Variants in NDUFA10 observed in about 807,000 individuals in gnomAD.
NDUFA10 encodes NADH dehydrogenase [ubiquinone] 1 alpha subcomplex subunit 10, mitochondrial.
Under a neutral mutation model 47.8 loss-of-function variants are expected in NDUFA10, and 40 were observed. That is an observed-to-expected ratio of 0.84 (90% CI 0.65 to 1.09). The LOEUF (loss-of-function observed/expected upper bound fraction) is 1.09, where lower values mean the gene tolerates loss of function less well. Ranked by LOEUF, NDUFA10 falls within the 50% of genes least tolerant of loss-of-function variation. The pLI, the probability that NDUFA10 is intolerant of heterozygous loss-of-function variation, is 0.00. For missense variants in NDUFA10, 413 were observed against 451.1 expected (o/e 0.92, Z 0.76); for synonymous variants, 183 against 172.2 (o/e 1.06, Z -0.49).
chr2:240,021,390 C>T lies in NDUFA10; in HGVS notation c.267G>A (p.Ala89=), dbSNP rs1161459570. 3.1e-6 allele frequency: 5 copies of T among 1,614,132 alleles called. No individual in the cohort carries two copies. The highest frequency in any genetic ancestry group is 2.2e-5 in the East Asian group (1 of 44,884). Residue 89 remains alanine (A), a synonymous_variant, in exon 3 of 10, where the codon GCG becomes GCA. Coordinates refer to ENST00000252711, the MANE Select transcript of NDUFA10 (RefSeq NM_004544.4). Reference sequence around the variant, plus strand: ...TGGTACTGTCTGGATAATGAATCCCCGCTTCAGGAAAGTGCTTGAAGCCTG... The same window carrying T: ...TGGTACTGTCTGGATAATGAATCCCTGCTTCAGGAAAGTGCTTGAAGCCTG... ...EKLGFKHFPE[A]GIHYPDSTTG...
chr2:239,962,210 T>TACACAC (rs59356951), intron 9 of NDUFA10, among the ~76,000 whole-genome samples: 40,723 of 149,478 alleles, frequency 0.27, 5,654 homozygotes, highest in East Asian at 0.38. Flanking sequence ...TCAATTTGTG[T>TACACAC]ACACACACAC....
intron 8 of NDUFA10, among the ~76,000 whole-genome samples, chr2:239,998,831 C>T (rs1379059029): frequency 6.6e-6 from 1 of 152,188 alleles, no homozygotes; most frequent in Non-Finnish European, 1.5e-5. Context: ...GAGGAAGAGC[C>T]TGTGCATGGA....
intron 8 of NDUFA10, 44 bp from the exon 9 acceptor site, chr2:239,990,226 A>G (rs752483488): frequency 1.4e-6 from 2 of 1,470,138 alleles, no homozygotes; most frequent in Non-Finnish European, 1.9e-6. Flanking sequence ...CCATCAAAAT[A>G]AATACAATAA....
chr2:239,915,488 C>T (rs1314358541), intron 4 of NDUFA10, among the ~76,000 whole-genome samples: 19 of 148,268 alleles, frequency 1.3e-4, no homozygotes, highest in African/African-American at 4.1e-4. Flanking sequence ...ACAGAACACA[C>T]ACACAGACAC....
chr2:239,971,148 T>G (rs1695289439), intron 9 of NDUFA10, among the ~76,000 whole-genome samples: 1 of 152,236 alleles, frequency 6.6e-6, no homozygotes, highest in Admixed American at 6.5e-5. Context: ...AAATGCTACT[T>G]TGTAAGAAGA....
intron 4 of NDUFA10, among the ~76,000 whole-genome samples, chr2:239,921,343 G>A (rs749143708): frequency 7.8e-5 from 7 of 89,546 alleles, no homozygotes; most frequent in East Asian, 2.6e-4. Context: ...GAGTGGAGAA[G>A]GAAAGAACAA....
At chr2:240,018,443 T>C in intron 4 of NDUFA10, 110 bp downstream of exon 4, 1 of 1,596,480 alleles carries the variant, frequency 6.3e-7, no homozygotes. Context: ...ATGGCATTTA[T>C]TCATCTATCT....
intron 8 of NDUFA10, among the ~76,000 whole-genome samples, chr2:240,001,078 A>G (rs1696692754): frequency 6.6e-6 from 1 of 152,236 alleles, no homozygotes; most frequent in Non-Finnish European, 1.5e-5. Context: ...GGCAGGGCAC[A>G]CTGGGAATCT....
chr2:239,967,865 G>A (rs549822434), intron 9 of NDUFA10, among the ~76,000 whole-genome samples: 2 of 152,180 alleles, frequency 1.3e-5, no homozygotes, highest in Non-Finnish European at 2.9e-5. Flanking sequence ...GAGGGCCAAG[G>A]CCGCACAATG....
chr2:239,916,756 G>A (rs150497550), intron 4 of NDUFA10, among the ~76,000 whole-genome samples: 313 of 152,348 alleles, frequency 2.1e-3, no homozygotes, highest in Admixed American at 4.5e-3. Context: ...GGACAGGTGC[G>A]GAACAGGCGC....
Position 239,979,445 on chromosome 2 carries a change from C to T in NDUFA10, c.999+10629G>A, listed in dbSNP as rs554848541. On this transcript the variant is annotated intron_variant, in intron 9 of 9. Transcript: ENST00000252711. ...AGGCCACCACCAGGCCCTCAGCAGC[C>T]CGCTCCCCACCCTGCACCTCTTCCC... Among the ~76,000 whole-genome samples the T allele has an allele frequency of 1.1e-4, 16 of 152,318 alleles. 1 individual carries two copies. In the South Asian group the frequency reaches 1.7e-3, roughly 16 times the overall value.
In NDUFA10 at chr2:239,897,723, G is replaced by T. The variant is rs976605129; in HGVS notation, c.295-2409C>A. Among the ~76,000 whole-genome samples, 5 of 152,240 alleles carry T rather than the reference G, an allele frequency of 3.3e-5. No homozygotes were observed. The East Asian group carries it at 5.8e-4, about 18-fold the overall frequency. On this transcript the variant is annotated intron_variant, in intron 4 of 5. Transcript: ENST00000419408. ...CTTCTTACCTAACTGCCTGTCCCCAGGCCTAAAGCCACCAAACCCTGCTGT... is the reference window on the plus strand; with the variant it reads ...CTTCTTACCTAACTGCCTGTCCCCATGCCTAAAGCCACCAAACCCTGCTGT...
At chr2:239,927,456 C>T (rs544332278) in intron 4 of NDUFA10, among the ~76,000 whole-genome samples, 45 of 152,278 alleles carry the variant, frequency 3.0e-4, no homozygotes, top group Non-Finnish European at 5.9e-4. Context: ...CAGCAGTGCA[C>T]AGTCATGTCC....
chr2:239,933,095 G>C (rs1387168679), intron 4 of NDUFA10, among the ~76,000 whole-genome samples: 1 of 152,098 alleles, frequency 6.6e-6, no homozygotes, highest in Non-Finnish European at 1.5e-5. Flanking sequence ...CAGCACAGGG[G>C]CAGGTCCCAG....
intron 8 of NDUFA10, among the ~76,000 whole-genome samples, 159 bp downstream of exon 8, chr2:240,005,051 A>G (rs536641093): frequency 3.1e-4 from 47 of 152,236 alleles, no homozygotes; most frequent in South Asian, 1.7e-3. Context: ...GTATCAGACC[A>G]GGGGATTCAG....
Position 239,906,474 on chromosome 2 carries a change from C to T in NDUFA10, c.295-11160G>A, listed in dbSNP as rs13427044. ...TGAGAACACCAGACGGGGGCCCCCACGCCAATTCATGGAGTCCCCGCACTT... is the reference window on the plus strand; with the variant it reads ...TGAGAACACCAGACGGGGGCCCCCATGCCAATTCATGGAGTCCCCGCACTT... On this transcript the variant is annotated intron_variant, in intron 4 of 5. Coordinates refer to the NDUFA10 transcript ENST00000419408. The surrounding 1 kb of genome is among the most constrained non-coding windows in gnomAD (Gnocchi z 4.3). Among the ~76,000 whole-genome samples, 24,990 of 152,144 alleles carry T rather than the reference C, an allele frequency of 0.16. 2,077 individuals are homozygous for T. Among genetic ancestry groups the T allele is most frequent in the South Asian group, 0.18 (884 of 4,828 alleles).
At position 239,958,980 on chromosome 2, in the gene NDUFA10, G is replaced by C. The variant is rs889422856; in HGVS notation, c.*2138C>G. The C allele has an allele frequency of 3.0e-6, 3 of 985,320 alleles. No individual in the cohort carries two copies. Among genetic ancestry groups the C allele is most frequent in the East Asian group, 1.1e-4 (1 of 8,830 alleles). 61.0% of individuals were successfully genotyped at this position (985,320 alleles called of 1,614,324 possible). A position where few individuals can be genotyped will look rare whatever the true frequency, so the allele number is the denominator to read the frequency against. On this transcript the variant is annotated 3_prime_UTR_variant, in exon 10 of 10. Transcript: ENST00000252711. Reference sequence around the variant, plus strand: ...TTGTAAGAGCTTTCGTGAGACGAACGCATGTACTGCTCTGAAATAAGGAAA... The same window carrying C: ...TTGTAAGAGCTTTCGTGAGACGAACCCATGTACTGCTCTGAAATAAGGAAA...
At chr2:239,955,407 G>A (rs1032794178), downstream of NDUFA10, among the ~76,000 whole-genome samples, 18 of 152,182 alleles carry the variant, frequency 1.2e-4, no homozygotes, top group South Asian at 1.2e-3. Context: ...TATGGTCAGC[G>A]CTGGATTCTG....
At chr2:239,895,351 A>G (rs72992001) in intron 4 of NDUFA10, 14,760 of 431,676 alleles carry the variant, frequency 0.034, 336 homozygotes, top group Non-Finnish European at 0.043. Flanking sequence ...AGAGCATATG[A>G]GTGAGGAGGG....
Sources: gnomAD v4.1 joint callset for allele counts (sites outside exome capture counted in the v4.1 genomes callset) on GRCh38, gnomAD v4.1.1 for gene constraint, Gnocchi (gnomAD v3.1) non-coding constraint, MANE v1.5 for transcripts, NCBI Gene and HGNC (gene_info 2026-07-23, HGNC 2026-07-21) for gene names.